Variants in PLAAT1 observed in about 807,000 individuals in gnomAD.
The protein encoded by PLAAT1 is H-REV107 protein-related protein.
Under a neutral mutation model 16.4 loss-of-function variants are expected in PLAAT1, and 13 were observed. That is an observed-to-expected ratio of 0.79 (90% CI 0.52 to 1.26). The LOEUF (loss-of-function observed/expected upper bound fraction) is 1.26, where lower values mean the gene tolerates loss of function less well. PLAAT1 is among the 50% of genes most tolerant of loss of function. The pLI, the probability that PLAAT1 is intolerant of heterozygous loss-of-function variation, is 0.00. For synonymous variants in PLAAT1, 73 were observed against 78.4 expected (o/e 0.93, Z 0.36); for missense variants, 218 against 207.8 (o/e 1.05, Z -0.30).
At chr3:193,244,360 A>ATCCAGTTAAT (rs1715897017) in intron 1 of PLAAT1, among the ~76,000 whole-genome samples, 1 of 152,138 alleles carries the variant, frequency 6.6e-6, no homozygotes, top group Non-Finnish European at 1.5e-5. Context: ...GCAGTGAATG[A>ATCCAGTTAAT]GTGATCCAGT....
At chr3:193,269,140 T>C (rs1716885455) in intron 3 of PLAAT1, among the ~76,000 whole-genome samples, 1 of 152,076 alleles carries the variant, frequency 6.6e-6, no homozygotes. Flanking sequence ...TCTCCCCCGC[T>C]CCCCCAATAT....
downstream of PLAAT1, among the ~76,000 whole-genome samples, chr3:193,278,620 T>C (rs1717334153): frequency 1.3e-5 from 2 of 152,238 alleles, no homozygotes; most frequent in Non-Finnish European, 2.9e-5. Flanking sequence ...CCTGGCAAAA[T>C]GTGGCCTATT....
At chr3:193,274,024 A>G (rs981667116), downstream of PLAAT1, among the ~76,000 whole-genome samples, 1 of 152,114 alleles carries the variant, frequency 6.6e-6, no homozygotes, top group Non-Finnish European at 1.5e-5. Context: ...TGGGTGAATC[A>G]CTTGAGGTCA....
chr3:193,250,763 C>T (rs1468907649), intron 1 of PLAAT1, among the ~76,000 whole-genome samples: 1 of 152,140 alleles, frequency 6.6e-6, no homozygotes. Flanking sequence ...ATTACTAAAG[C>T]AAGCCATAGG....
downstream of PLAAT1, among the ~76,000 whole-genome samples, chr3:193,272,287 C>G (rs1044196209): frequency 7.9e-5 from 12 of 151,904 alleles, no homozygotes; most frequent in African/African-American, 2.9e-4. Context: ...ACTAAAAATA[C>G]AAAAAATTAG....
chr3:193,240,958 T>G (rs1463834628), upstream of PLAAT1, among the ~76,000 whole-genome samples: 1 of 152,124 alleles, frequency 6.6e-6, no homozygotes, highest in Non-Finnish European at 1.5e-5. Context: ...GCACAGCGCC[T>G]GGTGCCCTAA....
chr3:193,267,916 G>A (rs1168821524), intron 3 of PLAAT1, among the ~76,000 whole-genome samples: 1 of 152,108 alleles, frequency 6.6e-6, no homozygotes, highest in African/African-American at 2.4e-5. Flanking sequence ...TAGGCATCTT[G>A]TTTCAGTTTG....
At chr3:193,273,973 G>A (rs549674967), downstream of PLAAT1, among the ~76,000 whole-genome samples, 1 of 152,316 alleles carries the variant, frequency 6.6e-6, no homozygotes, top group East Asian at 1.9e-4. Flanking sequence ...GCTGGGTGCA[G>A]TGGCTCACGT....
At chr3:193,249,446 A>G (rs1277830523) in intron 1 of PLAAT1, among the ~76,000 whole-genome samples, 1 of 152,204 alleles carries the variant, frequency 6.6e-6, no homozygotes, top group Admixed American at 6.5e-5. Flanking sequence ...CGGCTTTTGA[A>G]TAACATCATT....
chr3:193,242,442 T>A (rs1163679921), intron 1 of PLAAT1, among the ~76,000 whole-genome samples: 1 of 152,038 alleles, frequency 6.6e-6, no homozygotes, highest in Non-Finnish European at 1.5e-5. Flanking sequence ...TTTTTAAGAT[T>A]GAGTCATTTG....
At position 193,255,702 on chromosome 3, in the gene PLAAT1, G is replaced by C; in HGVS notation, c.52G>C (p.Gly18Arg). 5.0e-6 allele frequency: 8 copies of C among 1,612,830 alleles called. No individual in the cohort carries two copies. The highest frequency in any genetic ancestry group is 6.8e-6 in the Non-Finnish European group (8 of 1,179,232). Residue 18 changes from glycine to arginine, a missense_variant, in exon 2 of 4, where the codon GGG becomes CGG. Transcript: ENST00000264735. ...GAACTACCCTGGCAACCCCTGCCCAGGGGACTTGATCGAAGTGTTCCGTCC... is the reference window on the plus strand; with the variant it reads ...GAACTACCCTGGCAACCCCTGCCCACGGGACTTGATCGAAGTGTTCCGTCC... ...SLNYPGNPCPGDLIEVFRPGY... is the reference protein window; with the variant it reads ...SLNYPGNPCPRDLIEVFRPGY...
Position 193,266,829 on chromosome 3 carries a change from A to C in PLAAT1, c.405+3594A>C, listed in dbSNP as rs188531604. The stretch of plus-strand genomic sequence containing the variant: ...AGCAGCAACTGGATTATATATTACT[A>C]TCAATAACTAATAGTATTACTACTA... On this transcript the variant is annotated intron_variant, in intron 3 of 3. Transcript: ENST00000264735. Among the ~76,000 whole-genome samples, 203 of 149,656 alleles carry C rather than the reference A, an allele frequency of 1.4e-3. 2 individuals carry two copies. The highest frequency in any genetic ancestry group is 3.5e-4 in the Non-Finnish European group (23 of 66,100).
At chr3:193,255,903 G>A (rs759676054) in intron 2 of PLAAT1, 114 bp downstream of exon 2, 285 of 1,008,502 alleles carry the variant, frequency 2.8e-4, no homozygotes, top group Non-Finnish European at 3.7e-4. Flanking sequence ...ATAGAAAGCA[G>A]ATAAATCCAA....
rs181459023 is a variant in PLAAT1 at position 193,262,983 on chromosome 3, G to A, written c.153G>A (p.Ala51=). 873 of 1,614,114 alleles carry A rather than the reference G, an allele frequency of 5.4e-4. 9 individuals are homozygous for A. The highest frequency in any genetic ancestry group is 2.5e-4 in the African/African-American group (19 of 75,024). Residue 51 remains alanine, a synonymous_variant, in exon 3 of 4, where the codon GCG becomes GCA. Coordinates refer to ENST00000264735, the MANE Select transcript of PLAAT1 (RefSeq NM_020386.5). ...TCTACTTTATAGATGGCATTCCTGC[G>A]TCCTTTACAAGCGCCAAGTCTGTAT... ...INIAPVDGIP[A]SFTSAKSVFS...
At chr3:193,246,593 C>T (rs1335112627) in intron 1 of PLAAT1, among the ~76,000 whole-genome samples, 1 of 152,144 alleles carries the variant, frequency 6.6e-6, no homozygotes, top group Non-Finnish European at 1.5e-5. Context: ...AACTCCTGGG[C>T]TCAAGATATC....
chr3:193,260,059 A>G (rs531360127), intron 2 of PLAAT1, among the ~76,000 whole-genome samples: 1 of 152,310 alleles, frequency 6.6e-6, no homozygotes, highest in East Asian at 1.9e-4. Context: ...CCAAGCACAT[A>G]AAACCATCTG....
At chr3:193,270,987 A>G (rs1210141844), downstream of PLAAT1, 6 of 399,374 alleles carry the variant, frequency 1.5e-5, no homozygotes, top group East Asian at 2.8e-4. Context: ...TATTTCTACT[A>G]TAAATATTAT....
At chr3:193,270,532 T>G in intron 3 of PLAAT1, 72 bp from the exon 4 acceptor site, 1 of 1,454,524 alleles carries the variant, frequency 6.9e-7, no homozygotes. Flanking sequence ...GGAAACAGGC[T>G]AAAGCTTCAT....
chr3:193,269,112 C>G (rs745993162), intron 3 of PLAAT1, among the ~76,000 whole-genome samples: 3 of 152,066 alleles, frequency 2.0e-5, no homozygotes, highest in Non-Finnish European at 4.4e-5. Context: ...ATCTTATATC[C>G]TGCATCTCCC....
Sources: allele counts gnomAD v4.1 joint callset (sites outside exome capture counted in the v4.1 genomes callset), GRCh38; gene constraint gnomAD v4.1.1; transcripts MANE v1.5; gene names NCBI Gene and HGNC (gene_info 2026-07-23, HGNC 2026-07-21).